Variants in FHIT observed in about 807,000 individuals in gnomAD.
The protein encoded by FHIT is bis(5'-adenosyl)-triphosphatase.
FHIT carries 19 observed loss-of-function variants against 17.9 expected under a neutral mutation model. The observed-to-expected ratio is 1.06, with a 90% CI of 0.74 to 1.56. FHIT has a LOEUF of 1.56. Among genes scored for constraint, FHIT ranks in the 40% most tolerant of loss-of-function variants. The pLI is 0.00. For synonymous variants in FHIT, 81 were observed against 69.7 expected (o/e 1.16, Z -0.81); for missense variants, 248 against 189.2 (o/e 1.31, Z -1.82).
chr3:59,949,978 C>T (rs1182426894), intron 7 of FHIT, among the ~76,000 whole-genome samples: 2 of 152,160 alleles, frequency 1.3e-5, no homozygotes, highest in Non-Finnish European at 2.9e-5. Flanking sequence ...AATTAAATCT[C>T]TAATGAGGAC....
At chr3:60,491,545 C>A (rs1417161128) in intron 5 of FHIT, among the ~76,000 whole-genome samples, 1 of 152,150 alleles carries the variant, frequency 6.6e-6, no homozygotes, top group Non-Finnish European at 1.5e-5. Context: ...AGATGTCAGA[C>A]AATCAATTCA....
At chr3:60,609,769 T>G (rs1553672738) in intron 4 of FHIT, among the ~76,000 whole-genome samples, 1 of 152,140 alleles carries the variant, frequency 6.6e-6, no homozygotes, top group Non-Finnish European at 1.5e-5. Context: ...GCCTCAAAGG[T>G]CTGATTTCTT....
chr3:60,012,830 T>C (rs1700193428), intron 6 of FHIT, among the ~76,000 whole-genome samples: 1 of 152,234 alleles, frequency 6.6e-6, no homozygotes. Context: ...ATTAACTTTC[T>C]AGTGAAAAAT....
At chr3:60,633,002 G>C (rs1422589600) in intron 4 of FHIT, among the ~76,000 whole-genome samples, 1 of 152,132 alleles carries the variant, frequency 6.6e-6, no homozygotes, top group African/African-American at 2.4e-5. Context: ...AGAGTAAAAG[G>C]GGCAAGGATG....
intron 5 of FHIT, among the ~76,000 whole-genome samples, chr3:60,390,936 T>G (rs1347099617): frequency 6.6e-6 from 1 of 152,042 alleles, no homozygotes; most frequent in East Asian, 1.9e-4. Flanking sequence ...TCCCAGCAAT[T>G]TGGGAGGCTG....
chr3:60,557,273 C>T (rs1417424307), intron 4 of FHIT, among the ~76,000 whole-genome samples: 3 of 152,152 alleles, frequency 2.0e-5, no homozygotes, highest in South Asian at 4.2e-4. Context: ...CACTGGTCTC[C>T]TCCCCACCTC....
At chr3:60,507,428 G>A (rs1482459587) in intron 5 of FHIT, among the ~76,000 whole-genome samples, 2 of 152,034 alleles carry the variant, frequency 1.3e-5, no homozygotes, top group African/African-American at 4.8e-5. Flanking sequence ...TAAAAGCTAG[G>A]GTCTTTATCC....
chr3:60,914,975 T>A (rs191538623), intron 3 of FHIT, among the ~76,000 whole-genome samples: 152 of 152,222 alleles, frequency 1.0e-3, no homozygotes, highest in Non-Finnish European at 1.6e-3. Flanking sequence ...AAGAAACGTA[T>A]AAATTTCAAT....
chr3:60,283,026 C>G (rs1212497488), intron 5 of FHIT, among the ~76,000 whole-genome samples: 1 of 152,110 alleles, frequency 6.6e-6, no homozygotes, highest in Non-Finnish European at 1.5e-5. Flanking sequence ...TTAGAGGTAA[C>G]AGATGGCAGA....
At chr3:60,652,954 A>AAACC (rs2040029735) in intron 4 of FHIT, among the ~76,000 whole-genome samples, 1 of 130,066 alleles carries the variant, frequency 7.7e-6, no homozygotes, top group African/African-American at 2.8e-5. Flanking sequence ...AAAACAAAAC[A>AAACC]AAACCTTACT....
intron 4 of FHIT, among the ~76,000 whole-genome samples, chr3:60,671,737 C>T (rs1473184903): frequency 3.4e-5 from 5 of 149,166 alleles, no homozygotes; most frequent in Admixed American, 1.3e-4. Flanking sequence ...GTCAGGAGTT[C>T]GTGACCAGCC....
chr3:59,922,788 A>G (rs2171130), intron 7 of FHIT, among the ~76,000 whole-genome samples: 10,401 of 152,272 alleles, frequency 0.068, 716 homozygotes, highest in East Asian at 0.33. Flanking sequence ...CTAACAGAGA[A>G]CTGCATAAGT....
Position 60,835,389 on chromosome 3 carries a change from A to T in FHIT, c.-110-13378T>A, listed in dbSNP as rs138659665. ...TTTTTCTCCATTTATTTACATTTTT[A>T]AAATTTATTTCATCAACATTATATA... is the stretch of plus-strand genomic sequence containing the variant. On this transcript the variant is annotated intron_variant, in intron 3 of 9. Transcript: ENST00000492590. 2.9e-3 allele frequency among the ~76,000 whole-genome samples: 446 copies of T among 152,282 alleles called. 5 individuals are homozygous for T. Among genetic ancestry groups the T allele is most frequent in the African/African-American group, 9.8e-3 (408 of 41,558 alleles).
chr3:61,056,896 C>G (rs1293190013), intron 2 of FHIT, among the ~76,000 whole-genome samples: 1 of 152,124 alleles, frequency 6.6e-6, no homozygotes, highest in Non-Finnish European at 1.5e-5. Context: ...GTGGTGGTAT[C>G]AGGTATTGCT....
chr3:60,326,163 G>C (rs1310758942), intron 5 of FHIT, among the ~76,000 whole-genome samples: 1 of 152,050 alleles, frequency 6.6e-6, no homozygotes, highest in Admixed American at 6.6e-5. Context: ...TGGCAGGGGG[G>C]TGGTGATGGT....
chr3:59,946,374 A>G (rs548092760), intron 7 of FHIT, among the ~76,000 whole-genome samples: 1 of 152,222 alleles, frequency 6.6e-6, no homozygotes. Context: ...TTGATTTTGT[A>G]TGCTGAAACC....
intron 4 of FHIT, among the ~76,000 whole-genome samples, chr3:60,661,499 T>C (rs1002098001): frequency 3.3e-5 from 5 of 152,244 alleles, no homozygotes; most frequent in Non-Finnish European, 5.9e-5. Flanking sequence ...TTGGAAATTG[T>C]GCTGCTATAA....
intron 5 of FHIT, among the ~76,000 whole-genome samples, chr3:60,094,939 CT>C (rs1703880257): frequency 6.6e-6 from 1 of 152,154 alleles, no homozygotes; most frequent in South Asian, 2.1e-4. Flanking sequence ...TCTGAACGGA[CT>C]TGAATTTTAG....
intron 5 of FHIT, among the ~76,000 whole-genome samples, chr3:60,230,388 C>T (rs1449577061): frequency 6.6e-6 from 1 of 152,080 alleles, no homozygotes; most frequent in Non-Finnish European, 1.5e-5. Context: ...AAATGCTCAC[C>T]TAAGTTGTAA....
Sources: allele counts gnomAD v4.1 joint callset (sites outside exome capture counted in the v4.1 genomes callset), GRCh38; gene constraint gnomAD v4.1.1; transcripts MANE v1.5; gene names NCBI Gene and HGNC (gene_info 2026-07-23, HGNC 2026-07-21).